Variants in FBXL17 observed in about 807,000 individuals in gnomAD.
FBXL17 encodes F-box and leucine rich repeat protein 17, also known as F-box/LRR-repeat protein 17.
A neutral mutation model predicts 66.2 loss-of-function variants in FBXL17; 22 were observed. The ratio of observed to expected loss-of-function variants is 0.33; its 90% CI spans 0.24 to 0.47. The LOEUF is 0.47. FBXL17 is among the 20% of genes least tolerant of loss of function. FBXL17 has a pLI of 1.00. For synonymous variants in FBXL17, 474 were observed against 400.5 expected, an observed-to-expected ratio of 1.18 and a Z score of -2.19; for missense variants, 878 against 948.2, an observed-to-expected ratio of 0.93 and a Z score of 0.97.
At chr5:108,176,308 C>T (rs1752793108) in intron 6 of FBXL17, among the ~76,000 whole-genome samples, 1 of 152,084 alleles carries the variant, frequency 6.6e-6, no homozygotes, top group Middle Eastern at 3.2e-3. Context: ...TAAATGCGTA[C>T]CTCTGTTTAC....
At chr5:108,295,974 A>G (rs1198714140) in intron 4 of FBXL17, among the ~76,000 whole-genome samples, 1 of 151,660 alleles carries the variant, frequency 6.6e-6, no homozygotes, top group Admixed American at 6.6e-5. Flanking sequence ...CAAAAAAAAA[A>G]AAAAAAACCT....
intron 4 of FBXL17, among the ~76,000 whole-genome samples, chr5:108,229,377 C>T (rs1179536994): frequency 6.6e-6 from 1 of 152,056 alleles, no homozygotes; most frequent in Non-Finnish European, 1.5e-5. Context: ...GCATATAGGC[C>T]AATGGAACAG....
intron 3 of FBXL17, among the ~76,000 whole-genome samples, chr5:108,351,923 G>A (rs941795425): frequency 3.3e-5 from 5 of 152,330 alleles, no homozygotes; most frequent in South Asian, 2.1e-4. Flanking sequence ...TCACAGCGCC[G>A]CAGGCTGGGA....
chr5:108,132,352 T>A (rs928207998), intron 6 of FBXL17, among the ~76,000 whole-genome samples: 13 of 152,204 alleles, frequency 8.5e-5, no homozygotes, highest in Admixed American at 2.6e-4. Flanking sequence ...CTCTTACAGA[T>A]AGTAATGACC....
intron 7 of FBXL17, among the ~76,000 whole-genome samples, chr5:107,899,240 A>G (rs1749486726): frequency 6.6e-6 from 1 of 152,218 alleles, no homozygotes; most frequent in Non-Finnish European, 1.5e-5. Context: ...ACTTCATTGT[A>G]AGAACACAGT....
intron 6 of FBXL17, among the ~76,000 whole-genome samples, chr5:108,032,493 T>C (rs576148919): frequency 2.0e-5 from 3 of 152,222 alleles, no homozygotes; most frequent in African/African-American, 7.2e-5. Flanking sequence ...TCTTGGATTA[T>C]CTGGGTGGGC....
intron 6 of FBXL17, among the ~76,000 whole-genome samples, chr5:108,043,327 C>T (rs1029088900): frequency 6.6e-6 from 1 of 152,022 alleles, no homozygotes; most frequent in South Asian, 2.1e-4. Context: ...GTTTTTCCCC[C>T]CCTAGGTTTC....
At chr5:108,152,267 C>T (rs1181228974) in intron 6 of FBXL17, among the ~76,000 whole-genome samples, 7 of 152,192 alleles carry the variant, frequency 4.6e-5, no homozygotes, top group African/African-American at 1.2e-4. Flanking sequence ...TTTAAATTAA[C>T]GCTGCTGTTG....
At chr5:108,001,368 T>C (rs1307830311) in intron 7 of FBXL17, among the ~76,000 whole-genome samples, 1 of 152,208 alleles carries the variant, frequency 6.6e-6, no homozygotes, top group Non-Finnish European at 1.5e-5. Flanking sequence ...AATTGCTTCA[T>C]CATTTAAAAT....
At chr5:108,059,061 C>T (rs1049266753) in intron 6 of FBXL17, among the ~76,000 whole-genome samples, 1 of 152,116 alleles carries the variant, frequency 6.6e-6, no homozygotes, top group South Asian at 2.1e-4. Flanking sequence ...AGCAGTATTG[C>T]GGAACAAAGG....
intron 6 of FBXL17, among the ~76,000 whole-genome samples, chr5:108,103,591 T>A (rs1018883070): frequency 1.3e-5 from 2 of 152,108 alleles, no homozygotes; most frequent in Non-Finnish European, 2.9e-5. Context: ...AAAAAAAGAT[T>A]AATTTTTAGC....
At chr5:107,972,904 C>T (rs1752425419) in intron 7 of FBXL17, among the ~76,000 whole-genome samples, 1 of 152,130 alleles carries the variant, frequency 6.6e-6, no homozygotes, top group Admixed American at 6.6e-5. Flanking sequence ...TTTCCTAATT[C>T]CCTAAATCCC....
chr5:108,041,500 T>A (rs2112804183), intron 6 of FBXL17, among the ~76,000 whole-genome samples: 1 of 152,302 alleles, frequency 6.6e-6, no homozygotes, highest in East Asian at 1.9e-4. Context: ...CACTGCAGCC[T>A]TGAAATCCTG....
At chr5:108,011,911 G>A (rs953821346) in intron 7 of FBXL17, among the ~76,000 whole-genome samples, 3 of 152,016 alleles carry the variant, frequency 2.0e-5, no homozygotes, top group African/African-American at 4.8e-5. Flanking sequence ...GGTTAAGAAA[G>A]GAATTCAAGA....
intron 5 of FBXL17, among the ~76,000 whole-genome samples, chr5:108,186,596 C>A (rs893634097): frequency 1.3e-4 from 19 of 151,602 alleles, no homozygotes; most frequent in Admixed American, 5.3e-4. Context: ...ATGGTGAAAC[C>A]CCATCTCTAC....
rs143818666 is a variant in FBXL17 at position 108,002,515 on chromosome 5, A to G, written c.1822+18410T>C. 9.8e-5 allele frequency among the ~76,000 whole-genome samples: 15 copies of G among 152,286 alleles called. 1 individual carries two copies. In the East Asian group the frequency reaches 2.9e-3, roughly 29 times the overall value. ...AAAACTTATGATGCTTCTCAGTAAT[A>G]CTTTTCCCAGGTATCTACCTAAGAT... On this transcript the variant is annotated intron_variant, in intron 7 of 8. Transcript: ENST00000542267.
chr5:107,921,825 T>C (rs1340765403), intron 7 of FBXL17, among the ~76,000 whole-genome samples: 2 of 152,216 alleles, frequency 1.3e-5, no homozygotes, highest in African/African-American at 4.8e-5. Context: ...CCAGGTTTAC[T>C]GAATCCTGAT....
intron 7 of FBXL17, among the ~76,000 whole-genome samples, chr5:108,019,306 T>G (rs1754498221): frequency 6.6e-6 from 1 of 152,158 alleles, no homozygotes; most frequent in Non-Finnish European, 1.5e-5. Flanking sequence ...CAGAGCTTTT[T>G]ACCTTCTCAA....
intron 6 of FBXL17, among the ~76,000 whole-genome samples, chr5:108,146,065 A>G (rs1417213875): frequency 6.6e-6 from 1 of 151,956 alleles, no homozygotes; most frequent in Non-Finnish European, 1.5e-5. Context: ...AAAAATCTCT[A>G]CTAAAAATAC....
Sources: gnomAD v4.1 joint callset for allele counts (sites outside exome capture counted in the v4.1 genomes callset) on GRCh38, gnomAD v4.1.1 for gene constraint, MANE v1.5 for transcripts, NCBI Gene and HGNC (gene_info 2026-07-23, HGNC 2026-07-21) for gene names.